ZCWPW2: variants seen among roughly 807,000 people sequenced by gnomAD.
The protein encoded by ZCWPW2 is zinc finger CW-type and PWWP domain containing 2.
Under a neutral mutation model 46.6 loss-of-function variants are expected in ZCWPW2, and 45 were observed. The observed-to-expected ratio is 0.96, with a 90% CI of 0.76 to 1.24. The LOEUF (loss-of-function observed/expected upper bound fraction) is 1.24, where lower values mean the gene tolerates loss of function less well. ZCWPW2 is among the 50% of genes most tolerant of loss of function. The probability of loss-of-function intolerance (pLI) is 0.00; values close to 1 mark genes in which losing one functional copy is unlikely to be tolerated. For synonymous variants in ZCWPW2, 152 were observed against 137.1 expected, an observed-to-expected ratio of 1.11 and a Z score of -0.76; for missense variants, 429 against 403.9, an observed-to-expected ratio of 1.06 and a Z score of -0.53.
chr3:28,484,266 G>C (rs919587207), intron 5 of ZCWPW2, among the ~76,000 whole-genome samples: 5 of 151,438 alleles, frequency 3.3e-5, no homozygotes, highest in Non-Finnish European at 5.9e-5. Context: ...TACATTAATT[G>C]GTTTCCAATT....
intron 3 of ZCWPW2, among the ~76,000 whole-genome samples, 164 bp downstream of exon 3, chr3:28,413,564 G>A (rs559989234): frequency 6.6e-5 from 10 of 151,860 alleles, no homozygotes; most frequent in African/African-American, 2.4e-4. Context: ...CTTTTTAAAT[G>A]GGAAAGTTAG....
intron 6 of ZCWPW2, among the ~76,000 whole-genome samples, chr3:28,502,373 C>T (rs1387771885): frequency 6.6e-6 from 1 of 152,016 alleles, no homozygotes; most frequent in African/African-American, 2.4e-5. Context: ...ATTGTATTTG[C>T]TCCTTAAGTT....
In ZCWPW2 at chr3:28,413,944, T is replaced by G. The variant is rs115289217; in HGVS notation, c.332+544T>G. Reference sequence around the variant, plus strand: ...ATTGTTGCCTAGATACCTAAAATATTTTTTTCTTTAGATTTATGTAGATTT... The same window carrying G: ...ATTGTTGCCTAGATACCTAAAATATGTTTTTCTTTAGATTTATGTAGATTT... On this transcript the variant is annotated intron_variant, in intron 3 of 9. Transcript: ENST00000383768. Among the ~76,000 whole-genome samples the G allele has an allele frequency of 9.5e-3, 1,444 of 152,172 alleles. 21 individuals carry two copies. Among genetic ancestry groups the G allele is most frequent in the East Asian group, 0.042 (219 of 5,184 alleles).
At chr3:28,443,752 G>C (rs1334438516) in intron 4 of ZCWPW2, among the ~76,000 whole-genome samples, 1 of 152,146 alleles carries the variant, frequency 6.6e-6, no homozygotes, top group Non-Finnish European at 1.5e-5. Context: ...CCCACTGTTA[G>C]ATCTGACATA....
intron 2 of ZCWPW2, among the ~76,000 whole-genome samples, chr3:28,401,679 T>C (rs577003884): frequency 9.8e-4 from 149 of 152,268 alleles, no homozygotes; most frequent in African/African-American, 3.2e-3. Context: ...TAGACCATAT[T>C]ATAGGCCACA....
chr3:28,368,348 G>C (rs1487608774), intron 1 of ZCWPW2, among the ~76,000 whole-genome samples: 2 of 152,084 alleles, frequency 1.3e-5, no homozygotes, highest in African/African-American at 4.8e-5. Context: ...CCCTACAAGA[G>C]GCCTGGTGGT....
chr3:28,437,107 G>A (rs1248738665), intron 4 of ZCWPW2, among the ~76,000 whole-genome samples: 1 of 152,112 alleles, frequency 6.6e-6, no homozygotes, highest in African/African-American at 2.4e-5. Flanking sequence ...CAGAAAAAAG[G>A]ACAAAACCAC....
intron 1 of ZCWPW2, among the ~76,000 whole-genome samples, chr3:28,355,727 C>G (rs1704707854): frequency 6.6e-6 from 1 of 152,210 alleles, no homozygotes; most frequent in African/African-American, 2.4e-5. Context: ...TTTGACAAAC[C>G]TGACAGAAAC....
intron 1 of ZCWPW2, among the ~76,000 whole-genome samples, chr3:28,349,516 G>A (rs1704450799): frequency 1.3e-5 from 2 of 152,170 alleles, no homozygotes; most frequent in Admixed American, 6.5e-5. Flanking sequence ...ACGACTTCTA[G>A]CACACTGCTC....
intron 1 of ZCWPW2, among the ~76,000 whole-genome samples, chr3:28,363,269 CTTTA>C (rs1219465033): frequency 4.0e-5 from 6 of 151,848 alleles, no homozygotes; most frequent in Admixed American, 3.9e-4. Context: ...ATATACAAAA[CTTTA>C]TTTAATAATA....
intron 3 of ZCWPW2, among the ~76,000 whole-genome samples, chr3:28,433,184 G>A (rs1697340487): frequency 1.3e-5 from 2 of 152,008 alleles, no homozygotes; most frequent in South Asian, 4.2e-4. Flanking sequence ...GGTTGTGTAG[G>A]CTCTTAACCA....
At chr3:28,462,694 G>C (rs1413390889) in intron 4 of ZCWPW2, among the ~76,000 whole-genome samples, 1 of 152,124 alleles carries the variant, frequency 6.6e-6, no homozygotes, top group East Asian at 1.9e-4. Context: ...TTCTCTTGTA[G>C]AGGAAAAAAG....
intron 1 of ZCWPW2, among the ~76,000 whole-genome samples, chr3:28,378,997 C>G (rs1257321914): frequency 6.6e-6 from 1 of 152,178 alleles, no homozygotes; most frequent in East Asian, 1.9e-4. Flanking sequence ...TCCCAGGTAG[C>G]TGGACACTGC....
intron 1 of ZCWPW2, among the ~76,000 whole-genome samples, chr3:28,349,821 T>G (rs1042400014): frequency 6.6e-6 from 1 of 152,206 alleles, no homozygotes; most frequent in South Asian, 2.1e-4. Flanking sequence ...TAAAGTAGTA[T>G]TTTGTCATCT....
At chr3:28,409,122 C>CTTTTTTT (rs11328735) in intron 2 of ZCWPW2, among the ~76,000 whole-genome samples, 120 of 82,294 alleles carry the variant, frequency 1.5e-3, no homozygotes, top group Middle Eastern at 7.7e-3. Context: ...TTTTCTTTTT[C>CTTTTTTT]TTTTTTTTTT....
chr3:28,469,728 T>A (rs1698968092), intron 4 of ZCWPW2, among the ~76,000 whole-genome samples: 1 of 151,396 alleles, frequency 6.6e-6, no homozygotes, highest in South Asian at 2.1e-4. Context: ...ATATATGATA[T>A]ATATATGTAT....
At chr3:28,359,590 A>G (rs1704863132) in intron 1 of ZCWPW2, among the ~76,000 whole-genome samples, 1 of 152,168 alleles carries the variant, frequency 6.6e-6, no homozygotes, top group South Asian at 2.1e-4. Flanking sequence ...GACTTTGTAA[A>G]TATAAATTAG....
At chr3:28,375,413 C>G (rs1007760842) in intron 1 of ZCWPW2, among the ~76,000 whole-genome samples, 9 of 151,774 alleles carry the variant, frequency 5.9e-5, no homozygotes, top group Non-Finnish European at 1.0e-4. Flanking sequence ...CTTTGTAACT[C>G]CTCTCTTCCT....
chr3:28,501,059 C>T (rs1048884209), intron 6 of ZCWPW2, among the ~76,000 whole-genome samples: 8 of 152,092 alleles, frequency 5.3e-5, no homozygotes, highest in Non-Finnish European at 7.4e-5. Context: ...AGTTTTCTTT[C>T]AGTTTTCAGA....
Sources: gnomAD v4.1 joint callset for allele counts (sites outside exome capture counted in the v4.1 genomes callset) on GRCh38, gnomAD v4.1.1 for gene constraint, MANE v1.5 for transcripts, NCBI Gene and HGNC (gene_info 2026-07-23, HGNC 2026-07-21) for gene names.